The following RASSF5 variants were observed in gnomAD, a reference collection of about 807,000 sequenced individuals.
RASSF5 encodes ras association domain-containing protein 5.
A neutral mutation model predicts 40.5 loss-of-function variants in RASSF5; 25 were observed. That is an observed-to-expected ratio of 0.62 (90% CI 0.45 to 0.86). The LOEUF (loss-of-function observed/expected upper bound fraction) is 0.86, where lower values mean the gene tolerates loss of function less well. Among genes scored for constraint, RASSF5 ranks in the 40% least tolerant of loss-of-function variants. The pLI, the probability that RASSF5 is intolerant of heterozygous loss-of-function variation, is 0.00. For missense variants in RASSF5, 521 were observed against 572.8 expected (o/e 0.91, Z 0.92); for synonymous variants, 246 against 252.4 (o/e 0.97, Z 0.24).
intron 2 of RASSF5, among the ~76,000 whole-genome samples, chr1:206,569,226 T>C (rs1320444442): frequency 1.3e-5 from 2 of 152,168 alleles, no homozygotes; most frequent in African/African-American, 4.8e-5. Flanking sequence ...CAAGCCCCAG[T>C]GGGGTACAGA....
At position 206,535,849 on chromosome 1, in the gene RASSF5, C is replaced by T. The variant is rs1298402498; in HGVS notation, c.458-2323C>T. On this transcript the variant is annotated intron_variant, in intron 1 of 5. Coordinates refer to ENST00000579436, the MANE Select transcript of RASSF5 (RefSeq NM_182663.4). This position sits in a 1 kb window ranked among gnomAD's most constrained non-coding sequence, Gnocchi z 5.0. ...GCTAAAAGAGGAGGAGAGAGAAATTCCTCCTCTCCCAGGTGCCTTCCCATT... is the reference window on the plus strand; with the variant it reads ...GCTAAAAGAGGAGGAGAGAGAAATTTCTCCTCTCCCAGGTGCCTTCCCATT... Among the ~76,000 whole-genome samples the T allele has an allele frequency of 6.6e-6, 1 of 151,938 alleles. No homozygotes were observed. Among genetic ancestry groups the T allele is most frequent in the African/African-American group, 2.4e-5 (1 of 41,366 alleles).
rs1553407194 is a variant in RASSF5 at position 206,584,674 on chromosome 1, G to C, written c.978G>C (p.Lys326Asn). 2 of 1,614,218 alleles carry C rather than the reference G, an allele frequency of 1.2e-6. No homozygotes were observed. The highest frequency in any genetic ancestry group is 4.5e-5 in the East Asian group (2 of 44,880). The change falls in exon 4 of 6, where the codon AAG (lysine) becomes AAC (asparagine). Residue 326 changes from lysine to asparagine, a missense_variant. Transcript: ENST00000579436. The surrounding 1 kb of genome is among the most constrained non-coding windows in gnomAD (Gnocchi z 4.9). ...TTGCACTTTTTAAGCGGATACACAA[G>C]GACGGACAAGGTAGGAGAAAGAGTG... The part of the protein sequence containing the change: ...QKFALFKRIH[K>N]DGQVLFQKLS...
intron 2 of RASSF5, chr1:206,541,693 A>G (rs1237337729): frequency 6.6e-6 from 1 of 152,196 alleles, no homozygotes; most frequent in African/African-American, 2.4e-5. Context: ...GCTAAGGAAC[A>G]TCATCGCTAT....
intron 2 of RASSF5, chr1:206,557,404 C>T: frequency 3.6e-6 from 5 of 1,370,242 alleles, no homozygotes; most frequent in Non-Finnish European, 4.7e-6. Flanking sequence ...GAAACGCAGG[C>T]GGCCCGCCGG....
intron 1 of RASSF5, among the ~76,000 whole-genome samples, chr1:206,522,207 G>GA (rs1247168300): frequency 2.0e-5 from 3 of 152,110 alleles, no homozygotes; most frequent in Non-Finnish European, 2.9e-5. Flanking sequence ...TGAGCTATGG[G>GA]AGGCCCTCAG....
chr1:206,576,507 C>G (rs1013806667), intron 2 of RASSF5, among the ~76,000 whole-genome samples: 3 of 152,170 alleles, frequency 2.0e-5, no homozygotes, highest in Non-Finnish European at 4.4e-5. Context: ...AGTGAAGTTA[C>G]AAAGGCCCAT....
At chr1:206,509,726 CT>C (rs11336770) in intron 1 of RASSF5, among the ~76,000 whole-genome samples, 77,777 of 146,450 alleles carry the variant, frequency 0.53, 20,165 homozygotes, top group South Asian at 0.66. Context: ...TTGTGATTTT[CT>C]TTTTTTTTTT....
chr1:206,538,214 A>G lies in RASSF5; in HGVS notation c.500A>G (p.Gln167Arg). 6.2e-7 allele frequency: 1 copy of G among 1,614,214 alleles called. No individual in the cohort carries two copies. The highest frequency in any genetic ancestry group is 8.5e-7 in the Non-Finnish European group (1 of 1,180,028). The change falls in exon 2 of 6, where the codon CAG (glutamine) becomes CGG (arginine). Residue 167 changes from glutamine to arginine, a missense_variant. Physicochemically the swap from Gln to Arg is conservative, Grantham distance 43. Coordinates refer to ENST00000579436, the MANE Select transcript of RASSF5 (RefSeq NM_182663.4). ...TCHPECRSLIQLDCSQQEGLS... is the reference protein window; with the variant it reads ...TCHPECRSLIRLDCSQQEGLS... The stretch of plus-strand genomic sequence containing the variant: ...CACCCAGAATGCCGCAGCCTGATCC[A>G]GTTGGACTGCAGTCAGCAGGAGGGT...
At chr1:206,578,687 G>A (rs782113398) in intron 2 of RASSF5, among the ~76,000 whole-genome samples, 29 of 152,216 alleles carry the variant, frequency 1.9e-4, no homozygotes, top group Admixed American at 1.3e-3. Flanking sequence ...CAGTACTGCC[G>A]GTGGGACACA....
chr1:206,541,161 C>T (rs1186121370), intron 2 of RASSF5, among the ~76,000 whole-genome samples: 2 of 152,232 alleles, frequency 1.3e-5, no homozygotes, highest in Non-Finnish European at 2.9e-5. Flanking sequence ...TCCCAAAATG[C>T]TGGGATTACA....
intron 1 of RASSF5, among the ~76,000 whole-genome samples, chr1:206,537,507 C>T (rs1195008398): frequency 6.6e-6 from 1 of 152,184 alleles, no homozygotes; most frequent in African/African-American, 2.4e-5. Flanking sequence ...AGCTATTACC[C>T]ATACAGGCTG....
At chr1:206,517,347 C>T (rs1293577307) in intron 1 of RASSF5, among the ~76,000 whole-genome samples, 1 of 152,110 alleles carries the variant, frequency 6.6e-6, no homozygotes, top group Admixed American at 6.6e-5. Flanking sequence ...TGGTGGTGCC[C>T]ACCTGTAGTC....
chr1:206,581,876 C>G (rs1668895546), intron 2 of RASSF5, among the ~76,000 whole-genome samples: 1 of 152,016 alleles, frequency 6.6e-6, no homozygotes, highest in Non-Finnish European at 1.5e-5. Flanking sequence ...AAAGCTCTGT[C>G]ACGGAGGGGG....
intron 5 of RASSF5, 31 bp downstream of exon 5, chr1:206,585,326 C>A: frequency 6.5e-7 from 1 of 1,545,274 alleles, no homozygotes; most frequent in Non-Finnish European, 8.9e-7. Flanking sequence ...CAAACCCAGG[C>A]CTTAGGGCAC....
rs190493015 is a variant in RASSF5 at position 206,558,098 on chromosome 1, A to G, written c.579+19805A>G. ...GATAAACATTCATCAGTTGATAAAC[A>G]TTCATAAACACACATTCATCGGTTG... On this transcript the variant is annotated intron_variant, in intron 2 of 5. Coordinates refer to ENST00000579436, the MANE Select transcript of RASSF5 (RefSeq NM_182663.4). Among the ~76,000 whole-genome samples, 34 of 152,396 alleles carry G rather than the reference A, an allele frequency of 2.2e-4. No individual in the cohort carries two copies. In the East Asian group the frequency reaches 6.4e-3, roughly 28 times the overall value.
intron 1 of RASSF5, among the ~76,000 whole-genome samples, chr1:206,523,035 T>G (rs1482097314): frequency 2.0e-5 from 3 of 152,026 alleles, no homozygotes; most frequent in Non-Finnish European, 4.4e-5. Context: ...CCAGGCGTGG[T>G]GGCTCACACC....
chr1:206,582,222 C>G (rs1240643258), intron 2 of RASSF5, among the ~76,000 whole-genome samples: 1 of 152,186 alleles, frequency 6.6e-6, no homozygotes, highest in African/African-American at 2.4e-5. Flanking sequence ...CCAGAATTCA[C>G]CCCTGTATTG....
chr1:206,547,509 AC>A (rs1347470578), intron 2 of RASSF5, among the ~76,000 whole-genome samples: 3 of 145,010 alleles, frequency 2.1e-5, no homozygotes, highest in Non-Finnish European at 4.5e-5. Flanking sequence ...GTCTCCCATC[AC>A]CCCCAGATGG....
chr1:206,534,337 C>A (rs1038990169), intron 1 of RASSF5, among the ~76,000 whole-genome samples: 4 of 152,172 alleles, frequency 2.6e-5, no homozygotes, highest in African/African-American at 9.7e-5. Flanking sequence ...GGGATAGGGT[C>A]TGTCATTGGA....
Sources: allele counts gnomAD v4.1 joint callset (sites outside exome capture counted in the v4.1 genomes callset), GRCh38; gene constraint gnomAD v4.1.1; non-coding constraint Gnocchi (gnomAD v3.1); transcripts MANE v1.5; gene names NCBI Gene and HGNC (gene_info 2026-07-23, HGNC 2026-07-21).